Variants in TTC29 observed in about 807,000 individuals in gnomAD.
The protein encoded by TTC29 is tetratricopeptide repeat domain 29.
In TTC29, 49 loss-of-function variants were observed where a neutral mutation model predicts 58.1. The ratio of observed to expected loss-of-function variants is 0.84; its 90% CI spans 0.67 to 1.07. TTC29 has a LOEUF of 1.07. TTC29 is among the 50% of genes least tolerant of loss of function. The pLI is 0.00. For missense variants in TTC29, 582 were observed against 555.6 expected (o/e 1.05, Z -0.48); for synonymous variants, 209 against 196.8 (o/e 1.06, Z -0.52).
intron 8 of TTC29, among the ~76,000 whole-genome samples, chr4:146,839,660 C>G (rs1182744417): frequency 6.6e-6 from 1 of 151,434 alleles, no homozygotes; most frequent in Non-Finnish European, 1.5e-5. Context: ...TACAAGGATG[C>G]CTCATGATAC....
intron 2 of TTC29, among the ~76,000 whole-genome samples, chr4:146,940,200 G>C (rs991138314): frequency 3.3e-5 from 5 of 152,182 alleles, no homozygotes; most frequent in Non-Finnish European, 7.3e-5. Context: ...TCTTTGGTAA[G>C]AGTTTTGTAA....
chr4:146,816,067 T>A (rs568383034), intron 10 of TTC29, among the ~76,000 whole-genome samples: 6 of 152,288 alleles, frequency 3.9e-5, no homozygotes, highest in South Asian at 4.1e-4. Context: ...GGAGAAGAGT[T>A]TAGTGTCTGA....
In TTC29 at chr4:146,863,389, A is replaced by G. The variant is rs892627353; in HGVS notation, c.885+4109T>C. 1.1e-4 allele frequency among the ~76,000 whole-genome samples: 16 copies of G among 151,890 alleles called. 1 individual carries two copies. Among genetic ancestry groups the G allele is most frequent in the African/African-American group, 3.9e-4 (16 of 41,306 alleles). ...TGGCTCTAGGCCTTTTTCTTTCAAC[A>G]CTATTAACTCTCTCTCTAGGAAATC... On this transcript the variant is annotated intron_variant, in intron 8 of 12. Coordinates refer to ENST00000325106, the MANE Select transcript of TTC29 (RefSeq NM_031956.4).
In TTC29 at chr4:146,909,197, A is replaced by G. The variant is rs144287902; in HGVS notation, c.229T>C (p.Tyr77His). The change falls in exon 5 of 13, where the codon TAT becomes CAT. Residue 77 changes from tyrosine to histidine, a missense_variant. Coordinates refer to ENST00000325106, the MANE Select transcript of TTC29 (RefSeq NM_031956.4). The stretch of plus-strand genomic sequence containing the variant: ...AAGAGCTCGGTGAAGGACTTATGAT[A>G]ACCATCTCGCAGCATGTCCACACAG... ...NICVDMLRDG[Y>H]HKSFTELFAL... 268 of 1,613,748 alleles carry G rather than the reference A, an allele frequency of 1.7e-4. 2 individuals carry two copies. The African/African-American group carries it at 2.9e-3, about 18-fold the overall frequency.
chr4:146,780,145 G>A (rs1748474981), intron 11 of TTC29, among the ~76,000 whole-genome samples: 1 of 152,110 alleles, frequency 6.6e-6, no homozygotes, highest in African/African-American at 2.4e-5. Flanking sequence ...CCCAAATTAA[G>A]CTAAGTGGAG....
chr4:146,793,995 T>C (rs746175301), intron 11 of TTC29, among the ~76,000 whole-genome samples: 18 of 152,192 alleles, frequency 1.2e-4, no homozygotes, highest in Non-Finnish European at 2.1e-4. Flanking sequence ...TCAACATAAT[T>C]AGTCATATAA....
At chr4:146,752,897 T>C (rs913666775) in intron 11 of TTC29, among the ~76,000 whole-genome samples, 1 of 152,130 alleles carries the variant, frequency 6.6e-6, no homozygotes, top group Non-Finnish European at 1.5e-5. Context: ...ATACAAAAAT[T>C]AATTCAAGAT....
chr4:146,874,894 T>G lies in TTC29; in HGVS notation c.621A>C (p.Ala207=), dbSNP rs1731160915. Residue 207 remains alanine, a synonymous_variant, in exon 7 of 13, where the codon GCA becomes GCC. Transcript: ENST00000325106. The part of the protein sequence containing the change: ...QLLEAAEHYE[A]FHQLTQGRIW... Reference sequence around the variant, plus strand: ...TCCGCCCCTGTGTCAATTGATGGAATGCTTCATAATGCTCAGCAGCTTCCA... The same window carrying G: ...TCCGCCCCTGTGTCAATTGATGGAAGGCTTCATAATGCTCAGCAGCTTCCA... The G allele has an allele frequency of 1.2e-6, 2 of 1,613,386 alleles. No individual in the cohort carries two copies. Among genetic ancestry groups the G allele is most frequent in the East Asian group, 2.2e-5 (1 of 44,772 alleles).
chr4:146,790,039 A>G (rs554584837), intron 11 of TTC29, among the ~76,000 whole-genome samples: 17 of 152,226 alleles, frequency 1.1e-4, no homozygotes, highest in African/African-American at 4.1e-4. Flanking sequence ...TCCAGGTAAA[A>G]CAAGCCTTGC....
intron 9 of TTC29, among the ~76,000 whole-genome samples, chr4:146,833,171 CTTATTG>C (rs11278894): frequency 0.063 from 9,541 of 152,098 alleles, 395 homozygotes; most frequent in Admixed American, 0.13. Context: ...GATAACTTTT[CTTATTG>C]TTATTATTTC....
intron 4 of TTC29, among the ~76,000 whole-genome samples, chr4:146,924,835 C>A (rs1734820861): frequency 6.6e-6 from 1 of 151,850 alleles, no homozygotes; most frequent in South Asian, 2.1e-4. Flanking sequence ...TTTTCTAATA[C>A]AAGCATTTTA....
intron 11 of TTC29, 150 bp downstream of exon 11, chr4:146,803,307 T>A (rs1295805851): frequency 1.6e-6 from 1 of 616,528 alleles, no homozygotes; most frequent in Non-Finnish European, 2.8e-6. Flanking sequence ...CACAAAAGTA[T>A]ATCCAACCTT....
At chr4:146,809,516 A>G (rs1750862977) in intron 10 of TTC29, among the ~76,000 whole-genome samples, 1 of 149,912 alleles carries the variant, frequency 6.7e-6, no homozygotes, top group Admixed American at 6.9e-5. Context: ...TCCAGAATCG[A>G]CAAAGGGCTA....
At chr4:146,708,033 C>T (rs536427043) in intron 11 of TTC29, among the ~76,000 whole-genome samples, 1 of 152,008 alleles carries the variant, frequency 6.6e-6, no homozygotes, top group South Asian at 2.1e-4. Flanking sequence ...AGCCTTCCAG[C>T]CATCTTGGCC....
At position 146,943,169 on chromosome 4, in the gene TTC29, CTTTTTTTTTTTT is replaced by C. The variant is rs61184684; in HGVS notation, c.-7+1850_-7+1861del. 6.1e-3 allele frequency among the ~76,000 whole-genome samples: 360 copies of C among 59,492 alleles called. 3 individuals carry two copies. The highest frequency in any genetic ancestry group is 9.1e-3 in the Non-Finnish European group (249 of 27,224). 39.0% of individuals were successfully genotyped at this position (59,492 alleles called of 152,430 possible). A position where few individuals can be genotyped will look rare whatever the true frequency, so the allele number is the denominator to read the frequency against. ...TTCTTTGTCATACAGATCAACTGTG[CTTTTTTTTTTTT>C]TTTTTTTTTTTTTTTTCAAAATTCT... is the stretch of plus-strand genomic sequence containing the variant. On this transcript the variant is annotated intron_variant, in intron 2 of 12. Transcript: ENST00000325106.
intron 11 of TTC29, among the ~76,000 whole-genome samples, chr4:146,802,539 A>G (rs1395981546): frequency 6.6e-6 from 1 of 152,250 alleles, no homozygotes; most frequent in African/African-American, 2.4e-5. Flanking sequence ...AAAAAAGTCA[A>G]CAAAACTTAT....
intron 11 of TTC29, among the ~76,000 whole-genome samples, chr4:146,754,643 C>T (rs1271321514): frequency 6.6e-6 from 1 of 152,118 alleles, no homozygotes; most frequent in African/African-American, 2.4e-5. Flanking sequence ...TATGATACAT[C>T]ACATTAACAG....
chr4:146,797,581 A>AT (rs1749911066), intron 11 of TTC29, among the ~76,000 whole-genome samples: 1 of 151,102 alleles, frequency 6.6e-6, no homozygotes. Context: ...TCTGAACTGT[A>AT]TTTTTTACAA....
chr4:146,933,600 C>T (rs528287244), intron 4 of TTC29, among the ~76,000 whole-genome samples: 43 of 152,164 alleles, frequency 2.8e-4, no homozygotes, highest in Non-Finnish European at 5.3e-4. Context: ...AGCAGTGAAC[C>T]ATTTGAAGTT....
Sources: allele counts gnomAD v4.1 joint callset (sites outside exome capture counted in the v4.1 genomes callset), GRCh38; gene constraint gnomAD v4.1.1; transcripts MANE v1.5; gene names NCBI Gene and HGNC (gene_info 2026-07-23, HGNC 2026-07-21).